Variants in ZNF678 observed in about 807,000 individuals in gnomAD.
The protein encoded by ZNF678 is hypothetical protein MGC42493.
In ZNF678, 5 loss-of-function variants were observed where a neutral mutation model predicts 3.0. That is an observed-to-expected ratio of 1.69 (90% CI 0.88 to 3.56). The LOEUF (loss-of-function observed/expected upper bound fraction) is 3.56. ZNF678 is among the 30% of genes most tolerant of loss of function. The pLI is 0.00. For missense variants in ZNF678, 593 were observed against 605.0 expected, an observed-to-expected ratio of 0.98 and a Z score of 0.21; for synonymous variants, 218 against 199.6, an observed-to-expected ratio of 1.09 and a Z score of -0.78.
rs769634251 is a variant in ZNF678 at position 227,654,737 on chromosome 1, A to C, written c.487A>C (p.Asn163His). ...YKCDECGKVFNWWSQLTNHKK... is the reference protein window; with the variant it reads ...YKCDECGKVFHWWSQLTNHKK... ...ATGTGACGAATGTGGCAAAGTTTTT[A>C]ATTGGTGGTCACAACTAACTAACCA... is the stretch of plus-strand genomic sequence containing the variant. The change falls in exon 4 of 4, where the codon AAT (asparagine) becomes CAT (histidine). Residue 163 changes from asparagine (N) to histidine (H), a missense_variant. Asn to His is a moderately conservative substitution (Grantham distance 68). Transcript: ENST00000343776. 6.2e-7 allele frequency: 1 copy of C among 1,613,110 alleles called. No individual in the cohort carries two copies. Among genetic ancestry groups the C allele is most frequent in the South Asian group, 1.1e-5 (1 of 91,000 alleles).
chr1:227,662,482 T>G (rs955917251), downstream of ZNF678: 1 of 152,094 alleles, frequency 6.6e-6, no homozygotes, highest in African/African-American at 2.4e-5. Flanking sequence ...TTCTTTAACA[T>G]TAAGGGGAGT....
intron 1 of ZNF678, among the ~76,000 whole-genome samples, chr1:227,614,366 T>C (rs1658093947): frequency 6.6e-6 from 1 of 152,188 alleles, no homozygotes; most frequent in Non-Finnish European, 1.5e-5. Context: ...CACTCATGTC[T>C]TTCCTCGTAT....
intron 1 of ZNF678, among the ~76,000 whole-genome samples, chr1:227,616,952 T>C (rs1283438509): frequency 6.6e-6 from 1 of 152,152 alleles, no homozygotes; most frequent in Non-Finnish European, 1.5e-5. Flanking sequence ...CAGGCTGCTG[T>C]ACAAGGTGCT....
intron 5 of ZNF678, among the ~76,000 whole-genome samples, chr1:227,673,741 C>T (rs1429168428): frequency 6.6e-6 from 1 of 152,174 alleles, no homozygotes; most frequent in African/African-American, 2.4e-5. Context: ...TTTCACATTT[C>T]TCAGATATAC....
intron 1 of ZNF678, among the ~76,000 whole-genome samples, chr1:227,577,540 A>G (rs528411829): frequency 2.6e-5 from 4 of 152,236 alleles, no homozygotes; most frequent in Non-Finnish European, 5.9e-5. Flanking sequence ...CTGTTTTGTC[A>G]GGAACTAGGA....
intron 1 of ZNF678, among the ~76,000 whole-genome samples, chr1:227,631,189 A>T (rs1341664837): frequency 6.6e-6 from 1 of 152,110 alleles, no homozygotes; most frequent in African/African-American, 2.4e-5. Context: ...TCATTTTCCG[A>T]TGAGCATTAG....
chr1:227,655,872 A>G lies in ZNF678; in HGVS notation c.*44A>G, dbSNP rs1429446438. On this transcript the variant is annotated 3_prime_UTR_variant, in exon 4 of 4. Coordinates refer to ENST00000343776, the MANE Select transcript of ZNF678 (RefSeq NM_001367909.1). ...TGGCTTCACTAATTTCATACTGAAT[A>G]AAAGTGGTATGAGCATAATGACTGT... The G allele has an allele frequency of 6.6e-7, 1 of 1,505,800 alleles. No homozygotes were observed. The highest frequency in any genetic ancestry group is 2.2e-5 in the Admixed American group (1 of 45,100). The allele number at this position is 1,505,800 out of a possible 1,614,324, so 93.3% of individuals were successfully genotyped here.
At chr1:227,630,210 G>T (rs2102779628) in intron 1 of ZNF678, among the ~76,000 whole-genome samples, 1 of 152,208 alleles carries the variant, frequency 6.6e-6, no homozygotes, top group Non-Finnish European at 1.5e-5. Context: ...GTAGGATTTT[G>T]TTCCTTTCCC....
downstream of ZNF678, among the ~76,000 whole-genome samples, chr1:227,678,258 C>A (rs1659716076): frequency 6.6e-6 from 1 of 152,174 alleles, no homozygotes. Flanking sequence ...TGACCTTGGG[C>A]ACAGGTGGTT....
chr1:227,669,296 A>G (rs1002183136), intron 5 of ZNF678, among the ~76,000 whole-genome samples: 1 of 152,194 alleles, frequency 6.6e-6, no homozygotes, highest in Admixed American at 6.5e-5. Flanking sequence ...CAAGTGGCCA[A>G]TGAACATATC....
chr1:227,637,673 G>C (rs1658714110), intron 1 of ZNF678, among the ~76,000 whole-genome samples: 1 of 152,178 alleles, frequency 6.6e-6, no homozygotes, highest in Admixed American at 6.5e-5. Flanking sequence ...TCGGGTAATA[G>C]GCTGTGCAGG....
intron 1 of ZNF678, among the ~76,000 whole-genome samples, chr1:227,619,366 G>A (rs1237230301): frequency 2.0e-5 from 3 of 152,274 alleles, no homozygotes; most frequent in Non-Finnish European, 4.4e-5. Flanking sequence ...TGATTTATAG[G>A]CAGTTGCTCG....
intron 1 of ZNF678, among the ~76,000 whole-genome samples, chr1:227,573,700 T>A (rs1322862101): frequency 1.3e-5 from 2 of 151,912 alleles, no homozygotes; most frequent in African/African-American, 2.4e-5. Context: ...AGTTCAGGGG[T>A]ACATGTGCAG....
intron 1 of ZNF678, among the ~76,000 whole-genome samples, chr1:227,566,876 T>C (rs1656702400): frequency 1.4e-5 from 2 of 145,212 alleles, no homozygotes; most frequent in Admixed American, 1.4e-4. Flanking sequence ...AAGGGTGATT[T>C]CAAACAGAAT....
chr1:227,580,228 C>A (rs983836197), intron 1 of ZNF678, among the ~76,000 whole-genome samples: 3 of 151,996 alleles, frequency 2.0e-5, no homozygotes, highest in Admixed American at 1.3e-4. Flanking sequence ...CAGCGCCTTT[C>A]CTCTGAAGAT....
At chr1:227,565,570 C>T (rs2029836) in intron 1 of ZNF678, among the ~76,000 whole-genome samples, 11,663 of 151,974 alleles carry the variant, frequency 0.077, 575 homozygotes, top group Middle Eastern at 0.18. Context: ...CGCTAGTTAC[C>T]CATGTTTGTG....
chr1:227,653,081 T>C (rs963868429), intron 3 of ZNF678, among the ~76,000 whole-genome samples: 1 of 152,096 alleles, frequency 6.6e-6, no homozygotes, highest in African/African-American at 2.4e-5. Context: ...CCTGATTATA[T>C]CACTCAACTC....
chr1:227,587,101 G>A (rs1157302442), intron 1 of ZNF678, among the ~76,000 whole-genome samples: 1 of 152,156 alleles, frequency 6.6e-6, no homozygotes, highest in Admixed American at 6.5e-5. Flanking sequence ...TCTGCTCCTA[G>A]TTTTTGTAAC....
intron 1 of ZNF678, among the ~76,000 whole-genome samples, chr1:227,597,138 G>A (rs776598707): frequency 6.6e-6 from 1 of 152,180 alleles, no homozygotes; most frequent in Admixed American, 6.5e-5. Context: ...ATAGATTATA[G>A]ATTAACTAAA....
Sources: gnomAD v4.1 joint callset for allele counts (sites outside exome capture counted in the v4.1 genomes callset) on GRCh38, gnomAD v4.1.1 for gene constraint, MANE v1.5 for transcripts, NCBI Gene and HGNC (gene_info 2026-07-23, HGNC 2026-07-21) for gene names.